Variants in CLEC9A observed in about 807,000 individuals in gnomAD.
CLEC9A encodes the protein C-type lectin domain containing 9A, also known as C-type lectin domain family 9 member A.
CLEC9A carries 24 observed loss-of-function variants against 30.0 expected under a neutral mutation model. The ratio of observed to expected loss-of-function variants is 0.80; its 90% CI spans 0.58 to 1.13. The LOEUF (loss-of-function observed/expected upper bound fraction) is 1.13, where lower values mean the gene tolerates loss of function less well. Among genes scored for constraint, CLEC9A ranks in the 50% most tolerant of loss-of-function variants. The probability of loss-of-function intolerance (pLI) is 0.00; values close to 1 mark genes in which losing one functional copy is unlikely to be tolerated. For missense variants in CLEC9A, 251 were observed against 280.9 expected (o/e 0.89, Z 0.76); for synonymous variants, 111 against 96.8 (o/e 1.15, Z -0.86).
At chr12:10,059,662 C>A (rs1232426819) in intron 5 of CLEC9A, among the ~76,000 whole-genome samples, 3 of 152,208 alleles carry the variant, frequency 2.0e-5, no homozygotes, top group Non-Finnish European at 4.4e-5. Flanking sequence ...GTGGCTCATG[C>A]CTATAATCCC....
intron 1 of CLEC9A, among the ~76,000 whole-genome samples, chr12:10,037,578 C>A (rs1354494018): frequency 6.6e-6 from 1 of 152,130 alleles, no homozygotes; most frequent in Non-Finnish European, 1.5e-5. Flanking sequence ...CGCCAATTCA[C>A]CTAACGTTCA....
intron 1 of CLEC9A, among the ~76,000 whole-genome samples, chr12:10,032,894 C>G (rs1205200249): frequency 6.6e-6 from 1 of 152,226 alleles, no homozygotes; most frequent in South Asian, 2.1e-4. Context: ...TAACATTTCT[C>G]TAATTTTCTT....
At chr12:10,038,907 G>A (rs1591884209) in intron 1 of CLEC9A, among the ~76,000 whole-genome samples, 4 of 152,256 alleles carry the variant, frequency 2.6e-5, no homozygotes, top group East Asian at 3.8e-4. Flanking sequence ...GCTTGGAGAG[G>A]TAAAGTCCAT....
At chr12:10,051,414 G>A (rs1276211383) in intron 2 of CLEC9A, among the ~76,000 whole-genome samples, 1 of 152,108 alleles carries the variant, frequency 6.6e-6, no homozygotes, top group South Asian at 2.1e-4. Flanking sequence ...TTGTCAGGCA[G>A]GTCATGCAGT....
intron 1 of CLEC9A, among the ~76,000 whole-genome samples, chr12:10,034,762 G>A (rs897491483): frequency 9.9e-5 from 15 of 152,142 alleles, no homozygotes; most frequent in East Asian, 1.9e-4. Context: ...GTGGGGCTCC[G>A]GCCCCACGGT....
At chr12:10,057,996 TG>T (rs1389660981) in intron 5 of CLEC9A, among the ~76,000 whole-genome samples, 5 of 152,164 alleles carry the variant, frequency 3.3e-5, no homozygotes, top group African/African-American at 1.2e-4. Flanking sequence ...AAAAGTATTT[TG>T]TTTTTTTTCC....
chr12:10,037,025 C>T (rs190497665), intron 1 of CLEC9A, among the ~76,000 whole-genome samples: 2 of 152,314 alleles, frequency 1.3e-5, no homozygotes, highest in East Asian at 1.9e-4. Context: ...GTCACAAAAA[C>T]ATCACCTACC....
At position 10,057,057 on chromosome 12, in the gene CLEC9A, C is replaced by T. The variant is rs542225539; in HGVS notation, c.172+2706C>T. 9.0e-4 allele frequency among the ~76,000 whole-genome samples: 136 copies of T among 151,798 alleles called. 3 individuals carry two copies. The highest frequency in any genetic ancestry group is 3.7e-4 in the Non-Finnish European group (25 of 67,868). ...TAGGTCTTCTTATACATTTTTAACA[C>T]TTAAGGCTTTAAAAAAATAAAACCA... On this transcript the variant is annotated intron_variant, in intron 5 of 8. Transcript: ENST00000355819.
intron 6 of CLEC9A, among the ~76,000 whole-genome samples, 153 bp downstream of exon 6, chr12:10,061,426 T>C (rs1414981451): frequency 6.6e-6 from 1 of 152,166 alleles, no homozygotes; most frequent in Non-Finnish European, 1.5e-5. Context: ...TTCAATCTTA[T>C]TTATAACATC....
chr12:10,061,165 A>G lies in CLEC9A; in HGVS notation c.211A>G (p.Lys71Glu). The G allele has an allele frequency of 1.2e-6, 2 of 1,613,122 alleles. No individual in the cohort carries two copies. The highest frequency in any genetic ancestry group is 1.7e-6 in the Non-Finnish European group (2 of 1,179,674). The change falls in exon 6 of 9, where the codon AAA becomes GAA. Residue 71 changes from lysine (K) to glutamate (E), a missense_variant. By Grantham distance (56) the Lys-to-Glu change is moderately conservative. Transcript: ENST00000355819. ...CACCATTGCGATGCAGCAGCAAGAA[A>G]AACTCATCCAACAAGAGAGGGCACT... ...VSTIAMQQQE[K>E]LIQQERALLN...
intron 1 of CLEC9A, among the ~76,000 whole-genome samples, chr12:10,037,803 G>A (rs1865756222): frequency 6.6e-6 from 1 of 152,128 alleles, no homozygotes; most frequent in African/African-American, 2.4e-5. Flanking sequence ...ATTTTCTTCT[G>A]GGGTTAAAGG....
chr12:10,035,731 T>C (rs904946585), intron 1 of CLEC9A, among the ~76,000 whole-genome samples: 2 of 152,156 alleles, frequency 1.3e-5, no homozygotes, highest in Non-Finnish European at 2.9e-5. Flanking sequence ...TCCTGCCACC[T>C]CAGCCTCCCA....
At chr12:10,042,253 T>A (rs1027661514) in intron 2 of CLEC9A, among the ~76,000 whole-genome samples, 1 of 152,184 alleles carries the variant, frequency 6.6e-6, no homozygotes, top group Admixed American at 6.5e-5. Flanking sequence ...AAAGAAAAGA[T>A]TAGGAGGAGT....
chr12:10,035,405 C>A (rs1039964318), intron 1 of CLEC9A, among the ~76,000 whole-genome samples: 15 of 152,314 alleles, frequency 9.8e-5, no homozygotes, highest in East Asian at 9.6e-4. Context: ...ACTTCTGTAT[C>A]ACATATGTTC....
intron 1 of CLEC9A, among the ~76,000 whole-genome samples, chr12:10,031,385 G>A (rs541119604): frequency 1.1e-4 from 16 of 152,156 alleles, no homozygotes; most frequent in Non-Finnish European, 2.4e-4. Context: ...AGATAGAGAG[G>A]GAAAGGGAGT....
rs1183924439 is a variant in CLEC9A at position 10,064,832 on chromosome 12, G to T, written c.572G>T (p.Gly191Val). ...GHSGRWLWQD[G>V]SSPSPGLLPA... ...AGCGGACGCTGGCTTTGGCAAGATG[G>T]CTCCTCTCCTTCTCCTGGCCTGTAA... is the stretch of plus-strand genomic sequence containing the variant. Residue 191 changes from glycine (G) to valine (V), a missense_variant, in exon 8 of 9, where the codon GGC becomes GTC. Gly to Val is a moderately radical substitution (Grantham distance 109). Coordinates refer to ENST00000355819, the MANE Select transcript of CLEC9A (RefSeq NM_207345.4). 3.7e-6 allele frequency: 6 copies of T among 1,612,964 alleles called. No homozygotes were observed. The African/African-American group carries it at 5.3e-5, about 14-fold the overall frequency.
chr12:10,054,388 G>C, intron 5 of CLEC9A, 37 bp downstream of exon 5: 1 of 1,336,270 alleles, frequency 7.5e-7, no homozygotes, highest in Non-Finnish European at 1.1e-6. Flanking sequence ...TATGTATATC[G>C]TTATATATAA....
At chr12:10,051,556 T>A (rs1188856125) in intron 2 of CLEC9A, among the ~76,000 whole-genome samples, 2 of 152,206 alleles carry the variant, frequency 1.3e-5, no homozygotes, top group Non-Finnish European at 2.9e-5. Context: ...TGCCCTTAGA[T>A]TACCCCTTGA....
intron 1 of CLEC9A, among the ~76,000 whole-genome samples, chr12:10,031,403 G>A (rs1036840848): frequency 6.6e-5 from 10 of 152,162 alleles, no homozygotes; most frequent in African/African-American, 2.4e-4. Context: ...AGTCAAACAC[G>A]AAATCTCCAG....
Sources: gnomAD v4.1 joint callset for allele counts (sites outside exome capture counted in the v4.1 genomes callset) on GRCh38, gnomAD v4.1.1 for gene constraint, MANE v1.5 for transcripts, NCBI Gene and HGNC (gene_info 2026-07-23, HGNC 2026-07-21) for gene names.